NLGN4Y: variants seen among roughly 807,000 people sequenced by gnomAD.
NLGN4Y encodes neuroligin-4, Y-linked.
NLGN4Y carries 4 observed loss-of-function variants against 8.4 expected under a neutral mutation model. The observed-to-expected ratio is 0.48, with a 90% CI of 0.23 to 1.09. The LOEUF (loss-of-function observed/expected upper bound fraction) is 1.09. Ranked by LOEUF, NLGN4Y falls within the 50% of genes least tolerant of loss-of-function variation. NLGN4Y has a pLI of 0.19. For missense variants in NLGN4Y, 90 were observed against 192.3 expected, an observed-to-expected ratio of 0.47 and a Z score of 3.15; for synonymous variants, 35 against 75.6, an observed-to-expected ratio of 0.46 and a Z score of 2.78.
chrY:14,598,256 C>T, intron 1 of NLGN4Y, among the ~76,000 whole-genome samples: 2 of 34,395 alleles, frequency 5.8e-5, no homozygotes, highest in Non-Finnish European at 1.5e-4. Flanking sequence ...GGTTGGTGCT[C>T]GTCGGGGAGG....
At chrY:14,797,965 T>C (rs2043018382) in intron 4 of NLGN4Y, among the ~76,000 whole-genome samples, 2 of 34,146 alleles carry the variant, frequency 5.9e-5, no homozygotes, top group South Asian at 6.4e-4. Context: ...ATAGGTGTTT[T>C]CTCAAAAATA....
At chrY:14,777,075 C>T in intron 4 of NLGN4Y, among the ~76,000 whole-genome samples, 1 of 32,771 alleles carries the variant, frequency 3.1e-5, no homozygotes, top group South Asian at 6.7e-4. Flanking sequence ...TGGAAATTAT[C>T]ATTCTTTTCT....
intron 2 of NLGN4Y, among the ~76,000 whole-genome samples, chrY:14,701,226 C>T: frequency 3.2e-5 from 1 of 31,128 alleles, no homozygotes; most frequent in African/African-American, 1.2e-4. Flanking sequence ...CACACACACA[C>T]GCACAATGAC....
intron 2 of NLGN4Y, among the ~76,000 whole-genome samples, chrY:14,634,369 G>A: frequency 6.0e-5 from 2 of 33,401 alleles, no homozygotes; most frequent in African/African-American, 2.3e-4. Flanking sequence ...TTGGGGCTTC[G>A]CTTGAGCCCA....
At chrY:14,582,326 C>T (rs2080322127) in intron 1 of NLGN4Y, among the ~76,000 whole-genome samples, 1 of 33,318 alleles carries the variant, frequency 3.0e-5, no homozygotes, top group African/African-American at 1.2e-4. Context: ...AATTTTTTAA[C>T]GTTCTTTAGC....
At chrY:14,790,984 C>A (rs2042983945) in intron 4 of NLGN4Y, among the ~76,000 whole-genome samples, 1 of 33,815 alleles carries the variant, frequency 3.0e-5, no homozygotes. Flanking sequence ...TCTCTAATAT[C>A]TTTTGTGCTA....
intron 2 of NLGN4Y, among the ~76,000 whole-genome samples, chrY:14,688,821 CAT>C (rs2080800385): frequency 7.1e-5 from 2 of 28,210 alleles, no homozygotes; most frequent in African/African-American, 2.7e-4. Flanking sequence ...GAAAAGGAGG[CAT>C]ATATATTAAA....
At chrY:14,548,039 C>T (rs374735031) in intron 1 of NLGN4Y, among the ~76,000 whole-genome samples, 10 of 32,537 alleles carry the variant, frequency 3.1e-4, no homozygotes, top group African/African-American at 1.2e-3. Flanking sequence ...TTGGGACTGA[C>T]GGATATGTTA....
chrY:14,733,454 A>G (rs1366720966), intron 4 of NLGN4Y: 1 of 334,997 alleles, frequency 3.0e-6, no homozygotes, highest in Non-Finnish European at 4.3e-6. Flanking sequence ...TGTTTTAGGT[A>G]TGCAAGAGGC....
intron 1 of NLGN4Y, among the ~76,000 whole-genome samples, chrY:14,573,711 C>T (rs2080284660): frequency 3.0e-5 from 1 of 33,392 alleles, no homozygotes; most frequent in Non-Finnish European, 7.4e-5. Flanking sequence ...TTAGATTTTT[C>T]CTGCTTTCTC....
At chrY:14,529,719 G>A (rs2080104157) in intron 1 of NLGN4Y, among the ~76,000 whole-genome samples, 1 of 32,417 alleles carries the variant, frequency 3.1e-5, no homozygotes, top group African/African-American at 1.2e-4. Flanking sequence ...AAGTAAATGC[G>A]TGTTTTCACA....
chrY:14,837,516 A>T (rs747008796), intron 6 of NLGN4Y, among the ~76,000 whole-genome samples: 17 of 33,689 alleles, frequency 5.0e-4, no homozygotes, highest in African/African-American at 2.0e-3. Context: ...TTCTATCCTC[A>T]GTCATTACAA....
At chrY:14,547,167 G>A in intron 1 of NLGN4Y, among the ~76,000 whole-genome samples, 2 of 33,852 alleles carry the variant, frequency 5.9e-5, no homozygotes, top group Admixed American at 5.4e-4. Context: ...TAATGAAATT[G>A]TAGACAGGGC....
intron 4 of NLGN4Y, among the ~76,000 whole-genome samples, chrY:14,763,879 T>G: frequency 6.0e-5 from 2 of 33,236 alleles, no homozygotes. Flanking sequence ...TTTAGTAGTC[T>G]TCTCAGTGAC....
At chrY:14,702,210 G>A (rs2150544479) in intron 2 of NLGN4Y, among the ~76,000 whole-genome samples, 1 of 32,082 alleles carries the variant, frequency 3.1e-5, no homozygotes, top group Admixed American at 2.9e-4. Flanking sequence ...TGTGCACAAC[G>A]TGCAGGTTAG....
intron 1 of NLGN4Y, among the ~76,000 whole-genome samples, chrY:14,554,566 T>G (rs1026901714): frequency 9.1e-5 from 3 of 32,863 alleles, no homozygotes; most frequent in Non-Finnish European, 1.5e-4. Context: ...TCTCATAGTT[T>G]GTTGAACTGC....
intron 4 of NLGN4Y, among the ~76,000 whole-genome samples, chrY:14,741,969 CT>C (rs2081007304): frequency 3.0e-5 from 1 of 33,599 alleles, no homozygotes; most frequent in Admixed American, 2.7e-4. Flanking sequence ...GAGATAAGTG[CT>C]GAAAAAGGTG....
intron 2 of NLGN4Y, among the ~76,000 whole-genome samples, chrY:14,712,879 C>T: frequency 8.9e-5 from 3 of 33,550 alleles, no homozygotes; most frequent in Non-Finnish European, 2.2e-4. Flanking sequence ...TCAGTCACCT[C>T]CTAGCTGCAG....
chrY:14,637,950 T>G, intron 2 of NLGN4Y, among the ~76,000 whole-genome samples: 2 of 31,151 alleles, frequency 6.4e-5, no homozygotes, highest in African/African-American at 1.3e-4. Flanking sequence ...CTGCCATATG[T>G]ATCTACTGGC....
Sources: allele counts gnomAD v4.1 joint callset (sites outside exome capture counted in the v4.1 genomes callset), GRCh38; gene constraint gnomAD v4.1.1; transcripts MANE v1.5; gene names NCBI Gene and HGNC (gene_info 2026-07-23, HGNC 2026-07-21).